The following PRLR variants were observed in gnomAD, a reference collection of about 807,000 sequenced individuals.
The protein encoded by PRLR is prolactin receptor.
PRLR carries 13 observed loss-of-function variants against 40.2 expected under a neutral mutation model. The observed-to-expected ratio is 0.32, with a 90% CI of 0.21 to 0.51. The LOEUF is 0.51. PRLR is among the 20% of genes least tolerant of loss of function. PRLR has a pLI of 0.97. For missense variants in PRLR, 656 were observed against 747.3 expected (o/e 0.88, Z 1.42); for synonymous variants, 269 against 278.7 (o/e 0.97, Z 0.35).
At chr5:35,101,447 T>C (rs1771871009) in intron 2 of PRLR, among the ~76,000 whole-genome samples, 1 of 152,138 alleles carries the variant, frequency 6.6e-6, no homozygotes. Flanking sequence ...CCCACTGAGA[T>C]GTGGCTGCAA....
rs916642709 is a variant in PRLR at position 35,049,082 on chromosome 5, T to C, written c.*205A>G. On this transcript the variant is annotated 3_prime_UTR_variant, in exon 9 of 9. Coordinates refer to the PRLR transcript ENST00000231423. ...CATTCAATATAATTGTCCCTTTTTG[T>C]GTGGGTTTCCAGCTCCCAGTCAATT... 6 of 678,390 alleles carry C rather than the reference T, an allele frequency of 8.8e-6. No individual in the cohort carries two copies. In the African/African-American group the frequency reaches 1.1e-4, roughly 12 times the overall value. The allele number at this position is 678,390 out of a possible 1,614,324, so 42.0% of individuals were successfully genotyped here.
At chr5:35,190,636 T>G (rs987607225) in intron 1 of PRLR, among the ~76,000 whole-genome samples, 1 of 152,118 alleles carries the variant, frequency 6.6e-6, no homozygotes, top group African/African-American at 2.4e-5. Flanking sequence ...AAAGTTCTGC[T>G]TTGGCCTAAG....
At chr5:35,086,596 C>T (rs1770868300) in intron 3 of PRLR, among the ~76,000 whole-genome samples, 2 of 148,686 alleles carry the variant, frequency 1.3e-5, no homozygotes, top group African/African-American at 5.2e-5. Flanking sequence ...TGTCTGTGTA[C>T]TTTGAGATGG....
intron 1 of PRLR, among the ~76,000 whole-genome samples, chr5:35,119,168 C>T (rs887647648): frequency 6.6e-6 from 1 of 152,104 alleles, no homozygotes; most frequent in Non-Finnish European, 1.5e-5. Flanking sequence ...TTTTGTCTTG[C>T]CCATTCCAAG....
chr5:35,139,223 C>T (rs1773943665), intron 1 of PRLR, among the ~76,000 whole-genome samples: 1 of 152,154 alleles, frequency 6.6e-6, no homozygotes. Flanking sequence ...CAACCTCTGC[C>T]TCCTGGGTTC....
At chr5:35,078,337 A>G (rs1579592470) in intron 5 of PRLR, among the ~76,000 whole-genome samples, 3 of 152,182 alleles carry the variant, frequency 2.0e-5, no homozygotes, top group African/African-American at 7.2e-5. Flanking sequence ...AGAAAGAAAA[A>G]TGAAATACAT....
At chr5:35,126,451 G>C (rs1773469076) in intron 1 of PRLR, among the ~76,000 whole-genome samples, 1 of 152,202 alleles carries the variant, frequency 6.6e-6, no homozygotes, top group Non-Finnish European at 1.5e-5. Flanking sequence ...TTCCAAAGTA[G>C]TCCAATTGCA....
chr5:35,155,471 A>G (rs914847010), intron 1 of PRLR, among the ~76,000 whole-genome samples: 2 of 152,212 alleles, frequency 1.3e-5, no homozygotes, highest in Non-Finnish European at 2.9e-5. Context: ...TAAAAAAAAA[A>G]CCCATCGACT....
chr5:35,106,483 C>G (rs1772258952), intron 2 of PRLR, among the ~76,000 whole-genome samples: 1 of 152,102 alleles, frequency 6.6e-6, no homozygotes, highest in African/African-American at 2.4e-5. Flanking sequence ...AGGAGACCCA[C>G]TTCTCATGCA....
intron 1 of PRLR, among the ~76,000 whole-genome samples, chr5:35,183,708 C>T (rs886091240): frequency 1.3e-5 from 2 of 152,104 alleles, no homozygotes; most frequent in African/African-American, 4.8e-5. Context: ...GAAATCTGGT[C>T]CTGTTAGATC....
intron 2 of PRLR, among the ~76,000 whole-genome samples, chr5:35,102,373 T>G (rs1291945943): frequency 2.6e-5 from 4 of 151,986 alleles, no homozygotes; most frequent in African/African-American, 9.7e-5. Flanking sequence ...GCTCCATCCT[T>G]TTGCCCATCT....
rs73078855 is a variant in PRLR, at chr5:35,187,946, C to T, written c.-106+42322G>A. Among the ~76,000 whole-genome samples the T allele has an allele frequency of 4.1e-3, 632 of 152,324 alleles. 4 individuals are homozygous for T. Among genetic ancestry groups the T allele is most frequent in the African/African-American group, 0.014 (600 of 41,570 alleles). On this transcript the variant is annotated intron_variant, in intron 1 of 9. Transcript: ENST00000618457. ...GCGGCAAAGTCAGCCCCATCAAAAT[C>T]TCTCTGTGGACACAAATTCTTCTGG...
At position 35,150,882 on chromosome 5, in the gene PRLR, T is replaced by C. The variant is rs559912602; in HGVS notation, c.-105-32760A>G. On this transcript the variant is annotated intron_variant, in intron 1 of 9. Coordinates refer to ENST00000618457, the MANE Select transcript of PRLR (RefSeq NM_000949.7). ...TTTTAGTTTTCTAGAGTGAATTATA[T>C]GGTGTTTTGGCGGGGAGCAGCTGCA... Among the ~76,000 whole-genome samples the C allele has an allele frequency of 2.6e-5, 4 of 152,304 alleles. No homozygotes were observed. In the East Asian group the frequency reaches 5.8e-4, roughly 22 times the overall value.
In PRLR at chr5:35,056,742, G is replaced by A. The variant is rs1470313436; in HGVS notation, c.*8347C>T. On this transcript the variant is annotated 3_prime_UTR_variant, in exon 10 of 10. Coordinates refer to ENST00000618457, the MANE Select transcript of PRLR (RefSeq NM_000949.7). Reference sequence around the variant, plus strand: ...AATTTTGCACCTTAAAAATATAAGAGGGCCCAAGAATTAAAGGCAGTTGGC... The same window carrying A: ...AATTTTGCACCTTAAAAATATAAGAAGGCCCAAGAATTAAAGGCAGTTGGC... The A allele has an allele frequency of 6.6e-6, 1 of 152,086 alleles. No individual in the cohort carries two copies. The highest frequency in any genetic ancestry group is 1.5e-5 in the Non-Finnish European group (1 of 68,022). 9.4% of individuals were successfully genotyped at this position (152,086 alleles called of 1,614,324 possible).
chr5:35,134,385 T>C (rs1773785121), intron 1 of PRLR, among the ~76,000 whole-genome samples: 1 of 131,442 alleles, frequency 7.6e-6, no homozygotes, highest in South Asian at 2.4e-4. Flanking sequence ...CTGGTCACTC[T>C]GGTGAATAAG....
chr5:35,098,875 C>T (rs547097753), intron 2 of PRLR, among the ~76,000 whole-genome samples: 2 of 152,252 alleles, frequency 1.3e-5, no homozygotes, highest in South Asian at 4.1e-4. Flanking sequence ...CAACCCCTCA[C>T]TTTAACACAT....
chr5:35,099,857 T>C (rs1561296597), intron 2 of PRLR, among the ~76,000 whole-genome samples: 1 of 152,150 alleles, frequency 6.6e-6, no homozygotes. Context: ...GAACAATGTG[T>C]TTGTGTTTTA....
At chr5:35,108,467 A>C (rs1000623982) in intron 2 of PRLR, among the ~76,000 whole-genome samples, 1 of 152,232 alleles carries the variant, frequency 6.6e-6, no homozygotes, top group Non-Finnish European at 1.5e-5. Context: ...TTGCACCTTT[A>C]GAAAACCCCA....
intron 2 of PRLR, among the ~76,000 whole-genome samples, chr5:35,101,316 C>T (rs1248592681): frequency 6.6e-6 from 1 of 152,166 alleles, no homozygotes; most frequent in Non-Finnish European, 1.5e-5. Context: ...TTGTGCAACT[C>T]TTTTCCATTA....
Sources: gnomAD v4.1 joint callset for allele counts (sites outside exome capture counted in the v4.1 genomes callset) on GRCh38, gnomAD v4.1.1 for gene constraint, MANE v1.5 for transcripts, NCBI Gene and HGNC (gene_info 2026-07-23, HGNC 2026-07-21) for gene names.